TANC2: variants seen among roughly 807,000 people sequenced by gnomAD.
TANC2 encodes the protein tetratricopeptide repeat, ankyrin repeat and coiled-coil containing 2.
A neutral mutation model predicts 210.5 loss-of-function variants in TANC2; 26 were observed. The ratio of observed to expected loss-of-function variants is 0.12; its 90% CI spans 0.09 to 0.17. The LOEUF (loss-of-function observed/expected upper bound fraction) is 0.17, where lower values mean the gene tolerates loss of function less well. Among genes scored for constraint, TANC2 ranks in the 10% least tolerant of loss-of-function variants. TANC2 has a pLI of 1.00. For synonymous variants in TANC2, 931 were observed against 967.1 expected (o/e 0.96, Z 0.69); for missense variants, 2,129 against 2,608.9 (o/e 0.82, Z 4.01).
chr17:63,031,569 C>T (rs2034771498), intron 2 of TANC2, among the ~76,000 whole-genome samples: 1 of 152,076 alleles, frequency 6.6e-6, no homozygotes, highest in South Asian at 2.1e-4. Flanking sequence ...AATGGTCAGA[C>T]CATTCAGTTT....
chr17:63,296,638 G>A (rs527649975), intron 9 of TANC2, among the ~76,000 whole-genome samples: 1 of 152,150 alleles, frequency 6.6e-6, no homozygotes, highest in East Asian at 1.9e-4. Flanking sequence ...TATTAAATAG[G>A]GTCAAAGAGC....
At chr17:63,095,454 G>A (rs764390549) in intron 3 of TANC2, among the ~76,000 whole-genome samples, 3 of 152,002 alleles carry the variant, frequency 2.0e-5, no homozygotes, top group Non-Finnish European at 4.4e-5. Flanking sequence ...TTCAAATGTG[G>A]GCCACTGTGC....
At chr17:63,169,566 C>T (rs1328089601) in intron 5 of TANC2, among the ~76,000 whole-genome samples, 1 of 152,140 alleles carries the variant, frequency 6.6e-6, no homozygotes, top group Non-Finnish European at 1.5e-5. Context: ...GTGGCTCATG[C>T]CTGTAATCCC....
Position 63,246,591 on chromosome 17 carries a change from T to G in TANC2, c.1033+8514T>G, listed in dbSNP as rs571916394. On this transcript the variant is annotated intron_variant, in intron 8 of 27. Transcript: ENST00000689528. Reference sequence around the variant, plus strand: ...TGGTATGTCGTCTCTTGTATCTGGCTTCTTTCACTCAGCATAATGTTTTTG... The same window carrying G: ...TGGTATGTCGTCTCTTGTATCTGGCGTCTTTCACTCAGCATAATGTTTTTG... Among the ~76,000 whole-genome samples the G allele has an allele frequency of 2.0e-5, 3 of 152,296 alleles. No individual in the cohort carries two copies. In the East Asian group the frequency reaches 5.8e-4, roughly 29 times the overall value.
chr17:62,983,277 A>G (rs1333199911), intron 1 of TANC2, among the ~76,000 whole-genome samples: 1 of 151,896 alleles, frequency 6.6e-6, no homozygotes, highest in African/African-American at 2.4e-5. Context: ...TACTACTGAT[A>G]TTTGTTTGAA....
intron 9 of TANC2, among the ~76,000 whole-genome samples, chr17:63,294,456 C>T (rs1280115491): frequency 2.6e-5 from 4 of 151,818 alleles, no homozygotes; most frequent in East Asian, 3.9e-4. Context: ...CCAGCCTAGG[C>T]GACAGAATGA....
chr17:63,068,988 GGGAAACT>G (rs1233208921), intron 2 of TANC2, among the ~76,000 whole-genome samples: 1 of 152,062 alleles, frequency 6.6e-6, no homozygotes, highest in African/African-American at 2.4e-5. Flanking sequence ...GATGGAAGAA[GGGAAACT>G]GTATTGGAGA....
chr17:63,081,835 C>G (rs2036783155), intron 3 of TANC2, among the ~76,000 whole-genome samples: 1 of 152,146 alleles, frequency 6.6e-6, no homozygotes, highest in Admixed American at 6.5e-5. Context: ...GCTTATTCAC[C>G]TTTATGATAG....
chr17:63,056,777 T>C (rs2035821774), intron 2 of TANC2, among the ~76,000 whole-genome samples: 1 of 152,270 alleles, frequency 6.6e-6, no homozygotes, highest in Non-Finnish European at 1.5e-5. Context: ...CTTGAAACTA[T>C]TTCTTAAGCC....
intron 9 of TANC2, among the ~76,000 whole-genome samples, chr17:63,293,862 C>T (rs530197116): frequency 6.6e-6 from 1 of 151,738 alleles, no homozygotes; most frequent in East Asian, 1.9e-4. Flanking sequence ...ACCTCAGGCT[C>T]GGACTACAGC....
At chr17:62,993,449 C>A (rs2032965968) in intron 1 of TANC2, among the ~76,000 whole-genome samples, 2 of 152,160 alleles carry the variant, frequency 1.3e-5, no homozygotes, top group African/African-American at 4.8e-5. Flanking sequence ...TCTTTCAATC[C>A]ATGGACATGG....
At chr17:63,206,582 G>A (rs1331774273) in intron 7 of TANC2, among the ~76,000 whole-genome samples, 1 of 152,154 alleles carries the variant, frequency 6.6e-6, no homozygotes, top group Non-Finnish European at 1.5e-5. Context: ...GTTATGCTGA[G>A]TTAAGCCAGA....
At chr17:62,987,384 A>G (rs978785310) in intron 1 of TANC2, among the ~76,000 whole-genome samples, 2 of 152,176 alleles carry the variant, frequency 1.3e-5, no homozygotes, top group Non-Finnish European at 2.9e-5. Flanking sequence ...GGATAGCACC[A>G]TGTTGCAGTA....
intron 5 of TANC2, among the ~76,000 whole-genome samples, chr17:63,187,267 A>G (rs1243996272): frequency 1.3e-5 from 2 of 152,200 alleles, no homozygotes; most frequent in African/African-American, 4.8e-5. Context: ...GCCACTTACT[A>G]GCCATATGAA....
At chr17:62,976,935 G>A (rs866751459) in intron 1 of TANC2, among the ~76,000 whole-genome samples, 6 of 152,158 alleles carry the variant, frequency 3.9e-5, no homozygotes, top group Admixed American at 2.6e-4. Flanking sequence ...CTAGCCAATC[G>A]TGACAAATAC....
intron 2 of TANC2, among the ~76,000 whole-genome samples, chr17:63,058,308 T>A (rs1335528143): frequency 6.6e-6 from 1 of 152,122 alleles, no homozygotes; most frequent in Non-Finnish European, 1.5e-5. Context: ...TTCTTATACA[T>A]GCCGGATTAT....
At chr17:63,288,395 GCTTT>G (rs1490649837) in intron 9 of TANC2, among the ~76,000 whole-genome samples, 1 of 152,188 alleles carries the variant, frequency 6.6e-6, no homozygotes, top group Non-Finnish European at 1.5e-5. Flanking sequence ...GATATTATAT[GCTTT>G]CTATTTTAAA....
At chr17:63,427,142 G>A (rs2049165279) in exon 28 of TANC2, 1 of 152,260 alleles carries the variant, frequency 6.6e-6, no homozygotes. Flanking sequence ...GCTCAGGGCA[G>A]GTGCCTTTTC....
At chr17:63,176,816 A>C (rs916636933) in intron 5 of TANC2, among the ~76,000 whole-genome samples, 2 of 151,772 alleles carry the variant, frequency 1.3e-5, no homozygotes, top group African/African-American at 2.4e-5. Flanking sequence ...AAAAAAAAAA[A>C]AAAAAAAAAC....
Sources: gnomAD v4.1 joint callset for allele counts (sites outside exome capture counted in the v4.1 genomes callset) on GRCh38, gnomAD v4.1.1 for gene constraint, MANE v1.5 for transcripts, NCBI Gene and HGNC (gene_info 2026-07-23, HGNC 2026-07-21) for gene names.